Variants in AIG1 observed in about 807,000 individuals in gnomAD.
AIG1 encodes the protein androgen induced 1, also known as androgen-induced gene 1 protein.
In AIG1, 23 loss-of-function variants were observed where a neutral mutation model predicts 31.4. The observed-to-expected ratio is 0.73, with a 90% CI of 0.53 to 1.04. The LOEUF (loss-of-function observed/expected upper bound fraction) is 1.04. Ranked by LOEUF, AIG1 falls within the 50% of genes least tolerant of loss-of-function variation. AIG1 has a pLI of 0.00. For missense variants in AIG1, 274 were observed against 295.0 expected (o/e 0.93, Z 0.52); for synonymous variants, 100 against 110.5 (o/e 0.90, Z 0.60).
At chr6:143,217,567 G>C (rs1372465866) in intron 3 of AIG1, among the ~76,000 whole-genome samples, 13 of 152,080 alleles carry the variant, frequency 8.5e-5, no homozygotes, top group Admixed American at 8.5e-4. Flanking sequence ...GGAGTGGAGT[G>C]GTGTGATCTC....
chr6:143,334,082 T>C lies in AIG1; in HGVS notation c.679+637T>C. ...TTTTGTTTCCATTTATGGCAGAGCC[T>C]CCATCTTGGCAAGGCACGTAATCTT... On this transcript the variant is annotated intron_variant, in intron 5 of 5. Transcript: ENST00000357847. This position sits in a 1 kb window ranked among gnomAD's most constrained non-coding sequence, Gnocchi z 5.1. The C allele has an allele frequency of 6.4e-7, 1 of 1,550,518 alleles. No homozygotes were observed. Among genetic ancestry groups the C allele is most frequent in the Non-Finnish European group, 8.7e-7 (1 of 1,146,962 alleles).
At chr6:143,321,755 G>C (rs571896836) in intron 4 of AIG1, among the ~76,000 whole-genome samples, 2 of 152,092 alleles carry the variant, frequency 1.3e-5, no homozygotes, top group East Asian at 3.9e-4. Context: ...ACTTTTGATG[G>C]TTTCATTCTG....
chr6:143,095,073 T>G (rs1779632730), intron 1 of AIG1, among the ~76,000 whole-genome samples: 1 of 151,808 alleles, frequency 6.6e-6, no homozygotes, highest in Non-Finnish European at 1.5e-5. Flanking sequence ...AAAATTAACA[T>G]CCACAATGGG....
At chr6:143,140,199 GA>G (rs1253640744) in intron 2 of AIG1, among the ~76,000 whole-genome samples, 1 of 152,046 alleles carries the variant, frequency 6.6e-6, no homozygotes, top group East Asian at 1.9e-4. Context: ...AACAGCATGG[GA>G]AAAACTCGCC....
At chr6:143,266,360 A>AT (rs199506697) in intron 3 of AIG1, among the ~76,000 whole-genome samples, 4,771 of 133,140 alleles carry the variant, frequency 0.036, 103 homozygotes, top group Middle Eastern at 0.053. Context: ...AAAAAAAAAA[A>AT]AAAAAGAATA....
chr6:143,125,978 T>C (rs1194623302), intron 1 of AIG1, among the ~76,000 whole-genome samples: 3 of 152,230 alleles, frequency 2.0e-5, no homozygotes, highest in Non-Finnish European at 1.5e-5. Context: ...GGATTCTAAA[T>C]CACATTCTGC....
chr6:143,241,351 G>T (rs1261033007), intron 3 of AIG1, among the ~76,000 whole-genome samples: 2 of 152,158 alleles, frequency 1.3e-5, no homozygotes, highest in African/African-American at 4.8e-5. Flanking sequence ...GAGCCCTTTT[G>T]CCCCTTGGCC....
chr6:143,150,039 C>T (rs1287895126), intron 2 of AIG1, among the ~76,000 whole-genome samples: 1 of 152,204 alleles, frequency 6.6e-6, no homozygotes, highest in East Asian at 1.9e-4. Flanking sequence ...AACTGAATGA[C>T]ACCTACACCG....
chr6:143,254,723 C>A (rs747013037), intron 3 of AIG1, among the ~76,000 whole-genome samples: 159 of 152,130 alleles, frequency 1.0e-3, no homozygotes, highest in Non-Finnish European at 1.4e-3. Context: ...TTAAAAATAG[C>A]CTCTTCTTGG....
intron 2 of AIG1, among the ~76,000 whole-genome samples, chr6:143,150,784 C>T (rs554881137): frequency 3.3e-5 from 5 of 152,252 alleles, no homozygotes; most frequent in African/African-American, 1.2e-4. Context: ...CCCCAGGTTC[C>T]CTTCACAGAT....
chr6:143,296,370 A>G (rs1240203550), intron 4 of AIG1, among the ~76,000 whole-genome samples: 1 of 152,174 alleles, frequency 6.6e-6, no homozygotes. Context: ...TAGCAAAATC[A>G]TAACCTCTTC....
At chr6:143,341,481 AGGCCATTAAAATG>A (rs1777853280), downstream of AIG1, among the ~76,000 whole-genome samples, 1 of 152,222 alleles carries the variant, frequency 6.6e-6, no homozygotes. Context: ...AGTTAAAATG[AGGCCATTAAAATG>A]GGCCCTAATC....
At chr6:143,270,838 T>C (rs941832791) in intron 3 of AIG1, among the ~76,000 whole-genome samples, 1 of 152,064 alleles carries the variant, frequency 6.6e-6, no homozygotes, top group African/African-American at 2.4e-5. Context: ...TATGTGTGCT[T>C]GTGTGTGTGT....
At chr6:143,187,485 G>A in intron 3 of AIG1, 2 of 1,535,502 alleles carry the variant, frequency 1.3e-6, no homozygotes, top group South Asian at 1.2e-5. Flanking sequence ...CTCAATTGAA[G>A]ACATATGCAC....
chr6:143,126,892 A>G (rs1053818712), intron 1 of AIG1, among the ~76,000 whole-genome samples: 19 of 152,134 alleles, frequency 1.2e-4, no homozygotes, highest in African/African-American at 4.3e-4. Flanking sequence ...ATAGATATAT[A>G]TAGTCCCTAC....
At chr6:143,161,524 ATATAT>A (rs998472741) in intron 2 of AIG1, among the ~76,000 whole-genome samples, 2 of 80,636 alleles carry the variant, frequency 2.5e-5, no homozygotes, top group Non-Finnish European at 3.9e-5. Context: ...CAGTAAAAAC[ATATAT>A]TATATATATA....
rs1300104422 is a variant in AIG1, at chr6:143,248,322, A to T, written c.400-35788A>T. On this transcript the variant is annotated intron_variant, in intron 3 of 5. Coordinates refer to ENST00000357847, the MANE Select transcript of AIG1 (RefSeq NM_016108.4). ...GTTTGCATAGAGTACGTCACAATGG[A>T]ACACATAAGGGCCTTCCTTCCTCCC... 2.6e-5 allele frequency among the ~76,000 whole-genome samples: 4 copies of T among 152,216 alleles called. 1 individual carries two copies. Among genetic ancestry groups the T allele is most frequent in the Non-Finnish European group, 5.9e-5 (4 of 68,040 alleles).
At chr6:143,269,265 C>G (rs899587937) in intron 3 of AIG1, among the ~76,000 whole-genome samples, 2 of 152,090 alleles carry the variant, frequency 1.3e-5, no homozygotes, top group African/African-American at 4.8e-5. Context: ...AAATAAAGCA[C>G]TGAAATTTAA....
chr6:143,124,671 G>A (rs1185889738), intron 1 of AIG1, among the ~76,000 whole-genome samples: 1 of 152,218 alleles, frequency 6.6e-6, no homozygotes, highest in African/African-American at 2.4e-5. Flanking sequence ...TTGACTCACA[G>A]TTCCATGTTG....
Sources: gnomAD v4.1 joint callset for allele counts (sites outside exome capture counted in the v4.1 genomes callset) on GRCh38, gnomAD v4.1.1 for gene constraint, Gnocchi (gnomAD v3.1) non-coding constraint, MANE v1.5 for transcripts, NCBI Gene and HGNC (gene_info 2026-07-23, HGNC 2026-07-21) for gene names.